Variants in FBN1 observed in about 807,000 individuals in gnomAD.
FBN1 encodes fibrillin 1.
A neutral mutation model predicts 365.1 loss-of-function variants in FBN1; 29 were observed. The observed-to-expected ratio is 0.08, with a 90% CI of 0.06 to 0.11. The LOEUF is 0.11. FBN1 is among the 10% of genes least tolerant of loss of function. FBN1 has a pLI of 1.00. For missense variants in FBN1, 2,476 were observed against 3,703.2 expected (o/e 0.67, Z 8.60); for synonymous variants, 1,210 against 1,270.5 (o/e 0.95, Z 1.01).
At chr15:48,613,129 A>C (rs941218780) in intron 2 of FBN1, 37 bp from the exon 3 acceptor site, 2 of 1,511,022 alleles carry the variant, frequency 1.3e-6, no homozygotes, top group African/African-American at 1.4e-5. Flanking sequence ...ACTTTAAAAA[A>C]AAGAAGAAGA....
intron 6 of FBN1, among the ~76,000 whole-genome samples, chr15:48,576,562 G>C (rs1217045248): frequency 6.6e-6 from 1 of 152,204 alleles, no homozygotes; most frequent in Admixed American, 6.5e-5. Context: ...GAGGAATGAA[G>C]GGAAGGTGGG....
chr15:48,552,876 A>T (rs1447302048), intron 6 of FBN1, among the ~76,000 whole-genome samples: 1 of 152,232 alleles, frequency 6.6e-6, no homozygotes, highest in African/African-American at 2.4e-5. Context: ...AATTTTACCC[A>T]AATGCAAATG....
At chr15:48,618,758 A>T (rs1889708881) in intron 2 of FBN1, among the ~76,000 whole-genome samples, 1 of 152,120 alleles carries the variant, frequency 6.6e-6, no homozygotes, top group African/African-American at 2.4e-5. Flanking sequence ...CATCACTCTC[A>T]TTACCACCTG....
intron 15 of FBN1, among the ~76,000 whole-genome samples, chr15:48,508,020 T>C (rs2043725831): frequency 6.6e-6 from 1 of 152,108 alleles, no homozygotes; most frequent in South Asian, 2.1e-4. Context: ...AAAAAAATGG[T>C]TCTTGGTTGT....
At chr15:48,639,497 G>C (rs938555069) in intron 2 of FBN1, among the ~76,000 whole-genome samples, 1 of 152,110 alleles carries the variant, frequency 6.6e-6, no homozygotes, top group Non-Finnish European at 1.5e-5. Context: ...GTACCCCCAG[G>C]GTTATGGGGT....
At chr15:48,420,422 C>A (rs528615684) in intron 63 of FBN1, among the ~76,000 whole-genome samples, 1 of 152,076 alleles carries the variant, frequency 6.6e-6, no homozygotes, top group Admixed American at 6.5e-5. Context: ...AGCAGTGCAG[C>A]GGGAGGGTGG....
chr15:48,465,915 T>C (rs2043317197), intron 38 of FBN1, 57 bp from the exon 39 acceptor site: 1 of 1,193,984 alleles, frequency 8.4e-7, no homozygotes, highest in East Asian at 2.4e-5. Flanking sequence ...TTAGAAATAG[T>C]ATCCTCAAGA....
chr15:48,602,014 G>A (rs2044571711), intron 4 of FBN1, among the ~76,000 whole-genome samples: 1 of 152,068 alleles, frequency 6.6e-6, no homozygotes, highest in Non-Finnish European at 1.5e-5. Context: ...TTCACTCAAT[G>A]AACATTTCTG....
At chr15:48,442,378 A>G (rs903463763) in intron 49 of FBN1, among the ~76,000 whole-genome samples, 1 of 152,208 alleles carries the variant, frequency 6.6e-6, no homozygotes, top group Non-Finnish European at 1.5e-5. Flanking sequence ...ACTCATGAAA[A>G]TAAGTATAAT....
chr15:48,567,526 C>G (rs981606221), intron 6 of FBN1, among the ~76,000 whole-genome samples: 3 of 151,970 alleles, frequency 2.0e-5, no homozygotes, highest in Non-Finnish European at 4.4e-5. Flanking sequence ...AACTACAGAC[C>G]AATATTCCCA....
At chr15:48,643,459 T>A (rs1890235312) in intron 2 of FBN1, 1 of 152,204 alleles carries the variant, frequency 6.6e-6, no homozygotes, top group South Asian at 2.1e-4. Context: ...CAAAAACTGG[T>A]CTGGTGAGTT....
chr15:48,503,969 C>T (rs2043687124), intron 16 of FBN1, 30 bp from the exon 17 acceptor site: 2 of 1,613,378 alleles, frequency 1.2e-6, no homozygotes, highest in African/African-American at 1.3e-5. Flanking sequence ...TGTCATCACA[C>T]TGTCACTTCA....
intron 6 of FBN1, among the ~76,000 whole-genome samples, chr15:48,576,651 G>A (rs775004077): frequency 1.3e-5 from 2 of 152,108 alleles, no homozygotes; most frequent in Admixed American, 6.6e-5. Flanking sequence ...TGATGCACTC[G>A]TTCATTCATT....
rs757264206 is a variant in FBN1, at chr15:48,537,624, C to T, written c.723G>A (p.Thr241=). Residue 241 remains threonine (T), a synonymous_variant, in exon 7 of 66, where the codon ACG becomes ACA. Coordinates refer to ENST00000316623, the MANE Select transcript of FBN1 (RefSeq NM_000138.5). ...CRRGFIPNIR[T]GACQDVDECQ... ...GCCCGGGTTTACCTTGACAAGCTCC[C>T]GTGCGGATATTTGGAATGAAGCCAC... is the stretch of plus-strand genomic sequence containing the variant. 7 of 1,614,188 alleles carry T rather than the reference C, an allele frequency of 4.3e-6. No homozygotes were observed. Among genetic ancestry groups the T allele is most frequent in the African/African-American group, 1.3e-5 (1 of 75,046 alleles).
rs141150843 is a variant in FBN1, at chr15:48,521,832, C to T, written c.989-1015G>A. On this transcript the variant is annotated intron_variant, in intron 9 of 65. Transcript: ENST00000316623. ...TTAAATTTTGAAAAGCAAATAATAT[C>T]GTCAATATGCTTGTTATTTAAAGCA... Among the ~76,000 whole-genome samples the T allele has an allele frequency of 8.4e-3, 1,285 of 152,250 alleles. 8 individuals are homozygous for T. The highest frequency in any genetic ancestry group is 0.012 in the Admixed American group (185 of 15,298).
intron 6 of FBN1, among the ~76,000 whole-genome samples, chr15:48,552,957 T>C (rs1278613895): frequency 6.6e-6 from 1 of 152,188 alleles, no homozygotes; most frequent in African/African-American, 2.4e-5. Context: ...CGAAACCTAG[T>C]AAGATATCTA....
At chr15:48,416,252 C>T (rs950083649) in intron 63 of FBN1, among the ~76,000 whole-genome samples, 1 of 152,178 alleles carries the variant, frequency 6.6e-6, no homozygotes, top group Non-Finnish European at 1.5e-5. Flanking sequence ...ACCATTTTCC[C>T]GCAGGCTGCT....
At chr15:48,640,708 C>G (rs1192448902) in intron 2 of FBN1, among the ~76,000 whole-genome samples, 1 of 152,180 alleles carries the variant, frequency 6.6e-6, no homozygotes, top group African/African-American at 2.4e-5. Flanking sequence ...GTCTCATGTA[C>G]CTATAAACCA....
At position 48,537,708 on chromosome 15, in the gene FBN1, G is replaced by A. The variant is rs543984363; in HGVS notation, c.639C>T (p.Val213=). ...CACAGGGGTGGCCCCAGGCTCGGCC[G>A]ACTGTGGCACAGCAGAGCGTTTTTG... The part of the protein sequence containing the change: ...VCTKTLCCAT[V]GRAWGHPCEM... The change falls in exon 7 of 66, where the codon GTC becomes GTT. Residue 213 remains valine, a synonymous_variant. Coordinates refer to ENST00000316623, the MANE Select transcript of FBN1 (RefSeq NM_000138.5). The A allele has an allele frequency of 1.3e-5, 21 of 1,614,242 alleles. No homozygotes were observed. Among genetic ancestry groups the A allele is most frequent in the Non-Finnish European group, 1.5e-5 (18 of 1,180,042 alleles).
Sources: gnomAD v4.1 joint callset for allele counts (sites outside exome capture counted in the v4.1 genomes callset) on GRCh38, gnomAD v4.1.1 for gene constraint, MANE v1.5 for transcripts, NCBI Gene and HGNC (gene_info 2026-07-23, HGNC 2026-07-21) for gene names.